ZIC4: variants seen among roughly 807,000 people sequenced by gnomAD.
ZIC4 encodes Zic family zinc finger 4.
In ZIC4, 15 loss-of-function variants were observed where a neutral mutation model predicts 28.8. The ratio of observed to expected loss-of-function variants is 0.52; its 90% CI spans 0.35 to 0.80. The LOEUF (loss-of-function observed/expected upper bound fraction) is 0.80, where lower values mean the gene tolerates loss of function less well. Among genes scored for constraint, ZIC4 ranks in the 30% least tolerant of loss-of-function variants. The probability of loss-of-function intolerance (pLI) is 0.01; values close to 1 mark genes in which losing one functional copy is unlikely to be tolerated. For synonymous variants in ZIC4, 220 were observed against 198.1 expected (o/e 1.11, Z -0.93); for missense variants, 512 against 467.1 (o/e 1.10, Z -0.89).
At chr3:147,403,831 T>C (rs1029573399) in intron 1 of ZIC4, 3 of 948,830 alleles carry the variant, frequency 3.2e-6, no homozygotes, top group East Asian at 2.7e-5. Context: ...TCCAGTTCTC[T>C]ATGCACAAAG....
At chr3:147,392,424 G>A (rs1165126834) in intron 3 of ZIC4, 6 of 985,500 alleles carry the variant, frequency 6.1e-6, no homozygotes, top group Non-Finnish European at 7.2e-6. Context: ...GGAGCTCACG[G>A]CCAGCTGAAT....
Position 147,390,982 on chromosome 3 carries a change from T to C in ZIC4, c.953A>G (p.Gln318Arg). The change falls in exon 4 of 5, where the codon CAG becomes CGG. Residue 318 changes from glutamine to arginine, a missense_variant. Gln to Arg is a conservative substitution (Grantham distance 43). This residue lies in a region of ZIC4 where 144 missense variants were observed against 116.8 expected (regional missense o/e 1.23). Transcript: ENST00000383075. The stretch of plus-strand genomic sequence containing the variant: ...CGCCACCGCCGCCGAGGAGGCCACC[T>C]GGGACTTGTGGCCGCAGTCCGACGA... ...SPSSDCGHKS[Q>R]VASSAAVAAR... is the part of the protein sequence containing the mutation. 6.2e-7 allele frequency: 1 copy of C among 1,613,050 alleles called. No individual in the cohort carries two copies. Among genetic ancestry groups the C allele is most frequent in the Non-Finnish European group, 8.5e-7 (1 of 1,179,752 alleles).
chr3:147,404,120 A>G (rs961166734), intron 1 of ZIC4: 138 of 1,535,124 alleles, frequency 9.0e-5, no homozygotes, highest in Non-Finnish European at 1.1e-4. Flanking sequence ...TCGCTCTGAA[A>G]TTTCCTCATG....
chr3:147,400,281 C>G (rs1334428276), intron 2 of ZIC4, among the ~76,000 whole-genome samples: 1 of 152,206 alleles, frequency 6.6e-6, no homozygotes, highest in Non-Finnish European at 1.5e-5. Context: ...TACACATAGT[C>G]TGCTAGCATA....
chr3:147,399,505 C>T (rs2087120072), intron 2 of ZIC4, among the ~76,000 whole-genome samples: 1 of 152,148 alleles, frequency 6.6e-6, no homozygotes, highest in Admixed American at 6.5e-5. Context: ...ACTTGTTCAG[C>T]TTATGTGGTA....
chr3:147,401,345 T>C (rs1004931979), intron 2 of ZIC4, among the ~76,000 whole-genome samples: 5 of 152,240 alleles, frequency 3.3e-5, no homozygotes, highest in African/African-American at 1.2e-4. Context: ...GGGCTATTTT[T>C]CCATTTTAAT....
chr3:147,386,899 G>C lies in ZIC4; in HGVS notation c.*1960C>G, dbSNP rs1002766554. 2.0e-5 allele frequency: 3 copies of C among 152,202 alleles called. No homozygotes were observed. The highest frequency in any genetic ancestry group is 4.4e-5 in the Non-Finnish European group (3 of 68,044). 9.4% of individuals were successfully genotyped at this position (152,202 alleles called of 1,614,324 possible). A position where few individuals can be genotyped will look rare whatever the true frequency, so the allele number is the denominator to read the frequency against. On this transcript the variant is annotated 3_prime_UTR_variant, in exon 5 of 5. Transcript: ENST00000383075. ...GCTAGTGAGAAGAAACACACAATGGGTCTATTTTTAGCAGAGGTGGCTTTG... is the reference window on the plus strand; with the variant it reads ...GCTAGTGAGAAGAAACACACAATGGCTCTATTTTTAGCAGAGGTGGCTTTG...
intron 1 of ZIC4, 167 bp downstream of exon 1, chr3:147,406,196 A>G (rs2087273098): frequency 6.5e-6 from 1 of 152,732 alleles, no homozygotes. Flanking sequence ...GCCTTTATCC[A>G]CGGTTGGGGG....
chr3:147,394,747 T>G (rs1206205396), intron 3 of ZIC4, among the ~76,000 whole-genome samples: 2 of 152,232 alleles, frequency 1.3e-5, no homozygotes, highest in Admixed American at 1.3e-4. Context: ...GACTTTGGTC[T>G]GGTCTCCGCA....
In ZIC4 at chr3:147,395,953, C is replaced by A. The variant is rs2087031660; in HGVS notation, c.587G>T (p.Arg196Leu). ...GAAGGGCTTCTCGCCCGTGTGCACG[C>A]GGATGTGATTTACAAGTTTGTATTT... ...KAKYKLVNHI[R>L]VHTGEKPFPC... The change falls in exon 3 of 5, where the codon CGC (arginine) becomes CTC (leucine). Residue 196 changes from arginine to leucine, a missense_variant. Arg to Leu is a moderately radical substitution (Grantham distance 102, BLOSUM62 -2). This residue lies in a region of ZIC4 where 58 missense variants were observed against 93.8 expected (regional missense o/e 0.62). Transcript: ENST00000383075. 6.2e-7 allele frequency: 1 copy of A among 1,614,232 alleles called. No individual in the cohort carries two copies. Among genetic ancestry groups the A allele is most frequent in the Non-Finnish European group, 8.5e-7 (1 of 1,180,050 alleles).
At chr3:147,397,278 G>C (rs2087068625) in intron 2 of ZIC4, 1 of 152,062 alleles carries the variant, frequency 6.6e-6, no homozygotes, top group African/African-American at 2.4e-5. Context: ...CCATTGGCCC[G>C]CGGCCGGGTC....
At position 147,388,080 on chromosome 3, in the gene ZIC4, G is replaced by C. The variant is rs1432827256; in HGVS notation, c.*779C>G. ...CCTGCGCCAAAGCCTCCCACATCAGGGTGCAGAGTGAACCCCTAAACGTGG... is the reference window on the plus strand; with the variant it reads ...CCTGCGCCAAAGCCTCCCACATCAGCGTGCAGAGTGAACCCCTAAACGTGG... On this transcript the variant is annotated 3_prime_UTR_variant, in exon 5 of 5. Transcript: ENST00000383075. The C allele has an allele frequency of 6.6e-6, 1 of 152,570 alleles. No individual in the cohort carries two copies. Among genetic ancestry groups the C allele is most frequent in the Non-Finnish European group, 1.5e-5 (1 of 68,060 alleles). 9.5% of individuals were successfully genotyped at this position (152,570 alleles called of 1,614,324 possible). A position where few individuals can be genotyped will look rare whatever the true frequency, so the allele number is the denominator to read the frequency against.
chr3:147,390,885 C>T, intron 4 of ZIC4, 46 bp downstream of exon 4: 1 of 1,557,774 alleles, frequency 6.4e-7, no homozygotes, highest in East Asian at 2.3e-5. Context: ...GGCTGAGGAT[C>T]GCGGCGGGGG....
intron 3 of ZIC4, chr3:147,391,954 A>T (rs191471174): frequency 1.0e-6 from 1 of 985,174 alleles, no homozygotes; most frequent in Non-Finnish European, 1.2e-6. Context: ...ATTTAGCAGC[A>T]TTCTTCAAAT....
chr3:147,396,315 C>G lies in ZIC4; in HGVS notation c.225G>C (p.Pro75=). The change falls in exon 3 of 5, where the codon CCG becomes CCC. Residue 75 remains proline (P), a synonymous_variant. Transcript: ENST00000383075. The surrounding 1 kb of genome is among the most constrained non-coding windows in gnomAD (Gnocchi z 4.2). The part of the protein sequence containing the change: ...LGLPGDMYAR[P]EPFPPGPAAR... ...CCGCAGGCCCTGGCGGGAAGGGCTCCGGCCGCGCGTACATGTCTCCAGGGA... is the reference window on the plus strand; with the variant it reads ...CCGCAGGCCCTGGCGGGAAGGGCTCGGGCCGCGCGTACATGTCTCCAGGGA... The G allele has an allele frequency of 6.3e-7, 1 of 1,597,474 alleles. No homozygotes were observed. The highest frequency in any genetic ancestry group is 8.5e-7 in the Non-Finnish European group (1 of 1,172,286).
At chr3:147,399,978 A>G (rs1024613149) in intron 2 of ZIC4, among the ~76,000 whole-genome samples, 1 of 152,114 alleles carries the variant, frequency 6.6e-6, no homozygotes, top group African/African-American at 2.4e-5. Context: ...ATTTCTTAAT[A>G]TATACACTGT....
At chr3:147,401,164 C>G (rs990467373) in intron 2 of ZIC4, among the ~76,000 whole-genome samples, 7 of 152,150 alleles carry the variant, frequency 4.6e-5, no homozygotes, top group Admixed American at 2.6e-4. Flanking sequence ...CTTTTGCTCA[C>G]CTACCCAGAC....
rs1026998997 is a variant in ZIC4, at chr3:147,404,131, G to T, written c.-15-1319C>A. 7 of 1,533,140 alleles carry T rather than the reference G, an allele frequency of 4.6e-6. No individual in the cohort carries two copies. In the Admixed American group the frequency reaches 1.4e-4, roughly 31 times the overall value. 95.0% of individuals were successfully genotyped at this position (1,533,140 alleles called of 1,614,324 possible). A position where few individuals can be genotyped will look rare whatever the true frequency, so the allele number is the denominator to read the frequency against. On this transcript the variant is annotated intron_variant, in intron 1 of 4. Transcript: ENST00000383075. ...GTCCTCGCTCTGAAATTTCCTCATG[G>T]CAGGATGTCTGGCATGGAAAAGTCC...
intron 2 of ZIC4, among the ~76,000 whole-genome samples, chr3:147,398,885 A>G (rs60974408): frequency 2.0e-5 from 3 of 151,558 alleles, no homozygotes; most frequent in Admixed American, 6.6e-5. Context: ...GCCTTAAAAA[A>G]TTTTTTTTTA....
Sources: allele counts gnomAD v4.1 joint callset (sites outside exome capture counted in the v4.1 genomes callset), GRCh38; gene constraint gnomAD v4.1.1; regional missense constraint gnomAD v4.1.1; non-coding constraint Gnocchi (gnomAD v3.1); transcripts MANE v1.5; gene names NCBI Gene and HGNC (gene_info 2026-07-23, HGNC 2026-07-21).